Variants in OTOA observed in about 807,000 individuals in gnomAD.
OTOA encodes otoancorin.
Under a neutral mutation model 110.8 loss-of-function variants are expected in OTOA, and 70 were observed. The ratio of observed to expected loss-of-function variants is 0.63; its 90% CI spans 0.52 to 0.77. The LOEUF (loss-of-function observed/expected upper bound fraction) is 0.77. Among genes scored for constraint, OTOA ranks in the 30% least tolerant of loss-of-function variants. The pLI is 0.00. For synonymous variants in OTOA, 373 were observed against 431.5 expected, an observed-to-expected ratio of 0.86 and a Z score of 1.68; for missense variants, 917 against 1,075.8, an observed-to-expected ratio of 0.85 and a Z score of 2.06.
intron 12 of OTOA, among the ~76,000 whole-genome samples, chr16:21,708,761 A>C (rs1448961089): frequency 2.6e-5 from 4 of 152,180 alleles, no homozygotes; most frequent in Admixed American, 1.3e-4. Context: ...GCCTGAAATG[A>C]CTACGTTATT....
intron 6 of OTOA, among the ~76,000 whole-genome samples, chr16:21,682,965 A>G (rs1966922923): frequency 6.6e-6 from 1 of 152,232 alleles, no homozygotes; most frequent in African/African-American, 2.4e-5. Context: ...AAACTGAAAG[A>G]GAAGCAATGC....
At chr16:21,702,383 C>T (rs1898071079) in intron 11 of OTOA, among the ~76,000 whole-genome samples, 1 of 152,192 alleles carries the variant, frequency 6.6e-6, no homozygotes, top group Non-Finnish European at 1.5e-5. Flanking sequence ...ACATCTGTTT[C>T]ACCTACCTTT....
intron 5 of OTOA, 144 bp downstream of exon 5, chr16:21,679,355 A>T: frequency 1.0e-6 from 1 of 973,316 alleles, no homozygotes; most frequent in Admixed American, 2.2e-5. Flanking sequence ...GTCAACAAAC[A>T]CCCTTGCTCC....
intron 24 of OTOA, among the ~76,000 whole-genome samples, chr16:21,747,103 A>G (rs1304261705): frequency 1.4e-5 from 2 of 144,458 alleles, no homozygotes; most frequent in East Asian, 2.3e-4. Context: ...TGTCATCATC[A>G]ACATTATCAT....
intron 27 of OTOA, among the ~76,000 whole-genome samples, 162 bp downstream of exon 27, chr16:21,753,286 T>C (rs1482843449): frequency 2.6e-5 from 3 of 116,466 alleles, no homozygotes; most frequent in African/African-American, 8.9e-5. Flanking sequence ...AAAACATTTT[T>C]CTTAAAATTA....
chr16:21,683,716 A>T (rs1966939725), intron 6 of OTOA, among the ~76,000 whole-genome samples: 1 of 152,002 alleles, frequency 6.6e-6, no homozygotes, highest in Admixed American at 6.6e-5. Context: ...TAAAACAAAA[A>T]CAAAAACAAA....
At chr16:21,701,976 A>G (rs1354311588) in intron 11 of OTOA, among the ~76,000 whole-genome samples, 2 of 128,622 alleles carry the variant, frequency 1.6e-5, no homozygotes, top group Non-Finnish European at 3.2e-5. Context: ...TTTGAGACAG[A>G]GTCTCACTTT....
intron 21 of OTOA, among the ~76,000 whole-genome samples, chr16:21,734,869 TG>T (rs1387706008): frequency 2.0e-5 from 3 of 151,854 alleles, no homozygotes; most frequent in Non-Finnish European, 2.9e-5. Context: ...CCAGGCACAG[TG>T]GCTCACATCT....
At chr16:21,743,807 AAAC>A (rs1384958635) in intron 23 of OTOA, among the ~76,000 whole-genome samples, 1 of 117,978 alleles carries the variant, frequency 8.5e-6, no homozygotes, top group East Asian at 2.6e-4. Context: ...CTTTTTTTTA[AAAC>A]AAATATAGTC....
chr16:21,664,916 G>C (rs1335266885), intron 1 of OTOA, among the ~76,000 whole-genome samples: 1 of 151,976 alleles, frequency 6.6e-6, no homozygotes, highest in Non-Finnish European at 1.5e-5. Context: ...AGGTTGCAGT[G>C]AGCCGAGATC....
chr16:21,677,773 C>T (rs1966862419), intron 1 of OTOA, among the ~76,000 whole-genome samples: 2 of 152,000 alleles, frequency 1.3e-5, no homozygotes, highest in African/African-American at 2.4e-5. Flanking sequence ...TGAGCCACTG[C>T]GCCTGGCCAA....
At chr16:21,695,231 C>T (rs116531483) in intron 9 of OTOA, among the ~76,000 whole-genome samples, 2 of 146,370 alleles carry the variant, frequency 1.4e-5, no homozygotes, top group Non-Finnish European at 1.5e-5. Context: ...GAGACCCCCC[C>T]CCCCCATACA....
intron 17 of OTOA, chr16:21,721,591 T>A: frequency 2.3e-6 from 1 of 432,058 alleles, no homozygotes; most frequent in Non-Finnish European, 4.7e-6. Context: ...GAGTTTTCTT[T>A]TATATATAAA....
intron 28 of OTOA, among the ~76,000 whole-genome samples, chr16:21,759,568 A>G (rs1158754638): frequency 6.6e-6 from 1 of 151,980 alleles, no homozygotes; most frequent in African/African-American, 2.4e-5. Context: ...AAACTCTTCA[A>G]AGTGAGATTG....
intron 21 of OTOA, among the ~76,000 whole-genome samples, chr16:21,733,563 G>A (rs1160234779): frequency 2.6e-5 from 4 of 151,124 alleles, no homozygotes; most frequent in African/African-American, 9.7e-5. Flanking sequence ...TGGGTGAGCC[G>A]GGACCCAGTG....
At chr16:21,698,369 C>T (rs1897985924) in intron 10 of OTOA, among the ~76,000 whole-genome samples, 3 of 152,162 alleles carry the variant, frequency 2.0e-5, no homozygotes, top group Non-Finnish European at 4.4e-5. Flanking sequence ...GAGAAATACA[C>T]ACATTCTAGG....
intron 1 of OTOA, among the ~76,000 whole-genome samples, chr16:21,667,450 C>T (rs1314121096): frequency 6.6e-6 from 1 of 151,944 alleles, no homozygotes; most frequent in African/African-American, 2.4e-5. Flanking sequence ...ATCAGGAGAT[C>T]GAGACCATCC....
chr16:21,703,478 A>T (rs1393451552), intron 11 of OTOA, among the ~76,000 whole-genome samples: 1 of 152,144 alleles, frequency 6.6e-6, no homozygotes, highest in African/African-American at 2.4e-5. Flanking sequence ...GCTGAAGAGC[A>T]TTCCATTGTG....
At chr16:21,717,157 T>C (rs1365845192) in intron 15 of OTOA, 110 bp downstream of exon 15, 3 of 1,455,010 alleles carry the variant, frequency 2.1e-6, no homozygotes, top group Non-Finnish European at 2.9e-6. Flanking sequence ...TCTGTGGGAT[T>C]AGTATAGGAG....
Sources: allele counts gnomAD v4.1 joint callset (sites outside exome capture counted in the v4.1 genomes callset), GRCh38; gene constraint gnomAD v4.1.1; transcripts MANE v1.5; gene names NCBI Gene and HGNC (gene_info 2026-07-23, HGNC 2026-07-21).